The following PTGFRN variants were observed in gnomAD, a reference collection of about 807,000 sequenced individuals.
PTGFRN encodes the protein prostaglandin F2 receptor inhibitor.
A neutral mutation model predicts 83.2 loss-of-function variants in PTGFRN; 35 were observed. The ratio of observed to expected loss-of-function variants is 0.42; its 90% confidence interval spans 0.32 to 0.56. The LOEUF (loss-of-function observed/expected upper bound fraction) is 0.56. PTGFRN is among the 20% of genes least tolerant of loss of function. The probability of loss-of-function intolerance (pLI) is 0.11; values close to 1 mark genes in which losing one functional copy is unlikely to be tolerated. For synonymous variants in PTGFRN, 519 were observed against 498.6 expected (o/e 1.04, Z -0.55); for missense variants, 1,051 against 1,179.5 (o/e 0.89, Z 1.60).
chr1:116,990,181 TA>T lies in PTGFRN; in HGVS notation c.*3216del, dbSNP rs1651680605. On this transcript the variant is annotated 3_prime_UTR_variant, in exon 9 of 9. Coordinates refer to ENST00000393203, the MANE Select transcript of PTGFRN (RefSeq NM_020440.4). Reference sequence around the variant, plus strand: ...GAAGAGAAAACGCTGACTTTCTTTTTAAGTGTGGCACATAAGGATCTGCAGA... The same window carrying T: ...GAAGAGAAAACGCTGACTTTCTTTTTAGTGTGGCACATAAGGATCTGCAGA... 1.3e-5 allele frequency: 2 copies of T among 152,660 alleles called. No homozygotes were observed. The highest frequency in any genetic ancestry group is 4.1e-4 in the South Asian group (2 of 4,832). 9.5% of individuals were successfully genotyped at this position (152,660 alleles called of 1,614,324 possible).
At chr1:116,916,170 G>A (rs1037992245) in intron 1 of PTGFRN, among the ~76,000 whole-genome samples, 14 of 152,198 alleles carry the variant, frequency 9.2e-5, no homozygotes, top group Admixed American at 8.5e-4. Flanking sequence ...TAAGTAAAAT[G>A]TTCTGGGACC....
intron 7 of PTGFRN, among the ~76,000 whole-genome samples, chr1:116,981,265 C>G (rs997266039): frequency 6.6e-6 from 1 of 152,112 alleles, no homozygotes; most frequent in African/African-American, 2.4e-5. Flanking sequence ...CTCATGAAGA[C>G]CCTAATTCCC....
At position 116,923,701 on chromosome 1, in the gene PTGFRN, CA is replaced by C; in HGVS notation, c.49+13452del. ...CGAGTGCCTCGTGGCTGGGTTCATT[CA>C]AACCATGGATCATCTGCTTGTCATC... On this transcript the variant is annotated intron_variant, in intron 1 of 8. Coordinates refer to ENST00000393203, the MANE Select transcript of PTGFRN (RefSeq NM_020440.4). The surrounding 1 kb of genome is among the most constrained non-coding windows in gnomAD (Gnocchi z 4.0). Among the ~76,000 whole-genome samples the C allele has an allele frequency of 6.6e-6, 1 of 152,206 alleles. No individual in the cohort carries two copies. The highest frequency in any genetic ancestry group is 3.4e-3 in the Middle Eastern group (1 of 294).
Position 116,914,740 on chromosome 1 carries a change from C to T in PTGFRN, c.49+4488C>T, listed in dbSNP as rs531305630. On this transcript the variant is annotated intron_variant, in intron 1 of 8. Coordinates refer to ENST00000393203, the MANE Select transcript of PTGFRN (RefSeq NM_020440.4). ...CTGCACTCCAGCTTGGGTAACAAAG[C>T]GAGACCCTGTCTCAAAAAAAAAAAA... 2.1e-4 allele frequency among the ~76,000 whole-genome samples: 31 copies of T among 150,882 alleles called. 1 individual carries two copies. The South Asian group carries it at 5.9e-3, about 29-fold the overall frequency.
chr1:116,930,468 G>A (rs1342365275), intron 1 of PTGFRN, among the ~76,000 whole-genome samples: 1 of 152,164 alleles, frequency 6.6e-6, no homozygotes, highest in African/African-American at 2.4e-5. Flanking sequence ...CTCCGTGCAT[G>A]TGACTCCACA....
intron 6 of PTGFRN, among the ~76,000 whole-genome samples, chr1:116,972,337 C>A (rs1651027154): frequency 6.6e-6 from 1 of 152,202 alleles, no homozygotes; most frequent in Non-Finnish European, 1.5e-5. Flanking sequence ...CCTGAATAAT[C>A]AGAACTCTCA....
intron 6 of PTGFRN, among the ~76,000 whole-genome samples, chr1:116,968,461 G>A (rs746350338): frequency 1.3e-5 from 2 of 151,874 alleles, no homozygotes; most frequent in Non-Finnish European, 2.9e-5. Flanking sequence ...AAATTAAAGG[G>A]TAAATATTGA....
In PTGFRN at chr1:116,932,816, G is replaced by A. The variant is rs563158249; in HGVS notation, c.50-8899G>A. ...TCAACAGAGGATGATAATATATAATGCAATTGAAGGCAAACGAAATCCGAC... is the reference window on the plus strand; with the variant it reads ...TCAACAGAGGATGATAATATATAATACAATTGAAGGCAAACGAAATCCGAC... On this transcript the variant is annotated intron_variant, in intron 1 of 8. Coordinates refer to ENST00000393203, the MANE Select transcript of PTGFRN (RefSeq NM_020440.4). 2.6e-5 allele frequency among the ~76,000 whole-genome samples: 4 copies of A among 152,284 alleles called. 1 individual carries two copies. The East Asian group carries it at 7.7e-4, about 29-fold the overall frequency.
At position 116,919,759 on chromosome 1, in the gene PTGFRN, G is replaced by C. The variant is rs1454603225; in HGVS notation, c.49+9507G>C. 2.0e-5 allele frequency among the ~76,000 whole-genome samples: 3 copies of C among 152,220 alleles called. No homozygotes were observed. The East Asian group carries it at 5.8e-4, about 29-fold the overall frequency. On this transcript the variant is annotated intron_variant, in intron 1 of 8. Transcript: ENST00000393203. ...ACAGTACACTAGTCTGTCTTTCCAT[G>C]TTAGTCAAAATATATCTTTGAAAAC...
At chr1:116,939,636 A>G (rs913949440) in intron 1 of PTGFRN, among the ~76,000 whole-genome samples, 1 of 152,222 alleles carries the variant, frequency 6.6e-6, no homozygotes. Context: ...GGGGATTAAC[A>G]TTAGGCTCCT....
At chr1:116,936,540 G>A (rs1649924515) in intron 1 of PTGFRN, among the ~76,000 whole-genome samples, 1 of 152,242 alleles carries the variant, frequency 6.6e-6, no homozygotes, top group Non-Finnish European at 1.5e-5. Context: ...AGTTGGGGAA[G>A]GCTTCACAGA....
At chr1:116,914,542 G>T (rs1379539252) in intron 1 of PTGFRN, among the ~76,000 whole-genome samples, 2 of 152,162 alleles carry the variant, frequency 1.3e-5, no homozygotes, top group Non-Finnish European at 2.9e-5. Context: ...CTTGAGATCA[G>T]GAGATCGAGA....
intron 1 of PTGFRN, among the ~76,000 whole-genome samples, chr1:116,920,924 G>GA (rs1237094507): frequency 2.6e-5 from 4 of 152,170 alleles, no homozygotes; most frequent in African/African-American, 9.7e-5. Flanking sequence ...ATGTCTAGCC[G>GA]AAGAGTTGAA....
chr1:116,916,194 G>A (rs1298422341), intron 1 of PTGFRN, among the ~76,000 whole-genome samples: 1 of 152,168 alleles, frequency 6.6e-6, no homozygotes, highest in Non-Finnish European at 1.5e-5. Context: ...ATTGCATCCT[G>A]TTTCACACCT....
chr1:116,944,286 G>T (rs888004024), intron 2 of PTGFRN, among the ~76,000 whole-genome samples: 1 of 152,192 alleles, frequency 6.6e-6, no homozygotes, highest in East Asian at 1.9e-4. Context: ...TGCCAGGCAC[G>T]GTCCTGGGAA....
At chr1:116,956,124 A>T (rs771136978) in intron 4 of PTGFRN, among the ~76,000 whole-genome samples, 1 of 152,238 alleles carries the variant, frequency 6.6e-6, no homozygotes, top group Admixed American at 6.5e-5. Context: ...TCCTACTCCT[A>T]CCATTCTGAC....
rs182399711 is a variant in PTGFRN, at chr1:116,920,519, A to G, written c.49+10267A>G. Among the ~76,000 whole-genome samples the G allele has an allele frequency of 6.4e-4, 98 of 152,366 alleles. 1 individual carries two copies. The South Asian group carries it at 0.011, about 16-fold the overall frequency. On this transcript the variant is annotated intron_variant, in intron 1 of 8. Coordinates refer to ENST00000393203, the MANE Select transcript of PTGFRN (RefSeq NM_020440.4). ...ATGTTCCACAGGTTGCCCTTTTCCC[A>G]GTATGCCCCAGACCACAGTGAGAAG... is the stretch of plus-strand genomic sequence containing the variant.
chr1:116,949,241 A>G lies in PTGFRN; in HGVS notation c.882A>G (p.Glu294=), dbSNP rs1414200731. The change falls in exon 4 of 9, where the codon GAA becomes GAG. Residue 294 remains glutamate, a synonymous_variant. Coordinates refer to ENST00000393203, the MANE Select transcript of PTGFRN (RefSeq NM_020440.4). ...PKNVSVAEGK[E]LDLTCNITTD... The stretch of plus-strand genomic sequence containing the variant: ...ATGTGTCTGTGGCTGAAGGAAAGGA[A>G]CTGGACCTGACCTGTAACATCACAA... 6.2e-7 allele frequency: 1 copy of G among 1,612,322 alleles called. No individual in the cohort carries two copies. Among genetic ancestry groups the G allele is most frequent in the Non-Finnish European group, 8.5e-7 (1 of 1,178,700 alleles).
At chr1:116,921,943 G>C (rs1202106565) in intron 1 of PTGFRN, among the ~76,000 whole-genome samples, 3 of 152,204 alleles carry the variant, frequency 2.0e-5, no homozygotes, top group Admixed American at 1.3e-4. Context: ...GGGCAGTACG[G>C]TTTCTCAGAG....
Sources: gnomAD v4.1 joint callset for allele counts (sites outside exome capture counted in the v4.1 genomes callset) on GRCh38, gnomAD v4.1.1 for gene constraint, Gnocchi (gnomAD v3.1) non-coding constraint, MANE v1.5 for transcripts, NCBI Gene and HGNC (gene_info 2026-07-23, HGNC 2026-07-21) for gene names.